AARS1: variants seen among roughly 807,000 people sequenced by gnomAD.
AARS1 encodes the protein alanyl-tRNA synthetase 1, also known as alanine--tRNA ligase, cytoplasmic.
In AARS1, 72 loss-of-function variants were observed where a neutral mutation model predicts 108.9. That is an observed-to-expected ratio of 0.66 (90% CI 0.55 to 0.80). The LOEUF (loss-of-function observed/expected upper bound fraction) is 0.80. AARS1 is among the 30% of genes least tolerant of loss of function. The pLI, the probability that AARS1 is intolerant of heterozygous loss-of-function variation, is 0.00. For missense variants in AARS1, 1,193 were observed against 1,233.2 expected (o/e 0.97, Z 0.49); for synonymous variants, 489 against 465.7 (o/e 1.05, Z -0.64).
At chr16:70,253,422 G>C in intron 19 of AARS1, 41 bp from the exon 20 acceptor site, 1 of 1,497,946 alleles carries the variant, frequency 6.7e-7, no homozygotes, top group Non-Finnish European at 9.3e-7. Flanking sequence ...GCTGGAGCAG[G>C]GACCCTCACT....
intron 1 of AARS1, among the ~76,000 whole-genome samples, chr16:70,287,941 T>A (rs1010074488): frequency 3.3e-5 from 5 of 151,466 alleles, no homozygotes; most frequent in Non-Finnish European, 7.4e-5. Context: ...AATTTTGTAT[T>A]TTTAGTAGAG....
intron 1 of AARS1, among the ~76,000 whole-genome samples, chr16:70,284,378 G>A (rs902601583): frequency 2.0e-5 from 3 of 151,444 alleles, no homozygotes; most frequent in Non-Finnish European, 4.4e-5. Context: ...CGAGGCAGGC[G>A]GATCACGAGG....
rs746910319 is a variant in AARS1, at chr16:70,254,738, G to A, written c.2287-4C>T. ...AGCTCTCTGCTTTCCTGAGGGCCTG[G>A]GAGGGGACACCGGGTCAACCCCAAG... On this transcript the variant is annotated splice_polypyrimidine_tract_variant and splice_region_variant and intron_variant, in intron 16 of 20. Coordinates refer to ENST00000261772, the MANE Select transcript of AARS1 (RefSeq NM_001605.3). The A allele has an allele frequency of 6.2e-7, 1 of 1,600,676 alleles. No homozygotes were observed. Among genetic ancestry groups the A allele is most frequent in the Non-Finnish European group, 8.6e-7 (1 of 1,167,984 alleles).
Position 70,262,389 on chromosome 16 carries a change from T to A in AARS1, c.1628A>T (p.Tyr543Phe). Residue 543 changes from tyrosine (Y) to phenylalanine (F), a missense_variant, in exon 12 of 21, where the codon TAT (tyrosine) becomes TTT (phenylalanine). Physicochemically the swap from Tyr to Phe is conservative, Grantham distance 22. Transcript: ENST00000261772. Reference protein sequence around the residue: ...CFYAEQGGQIYDEGYLVKVDD... With the variant: ...CFYAEQGGQIFDEGYLVKVDD... ...CACCTTCACCAGGTAGCCTTCGTCA[T>A]AGATCTGGCCTCCTTGCTCAGCATA... The A allele has an allele frequency of 6.2e-7, 1 of 1,614,208 alleles. No homozygotes were observed. Among genetic ancestry groups the A allele is most frequent in the Non-Finnish European group, 8.5e-7 (1 of 1,180,030 alleles).
At chr16:70,286,696 T>G (rs1960852629) in intron 1 of AARS1, among the ~76,000 whole-genome samples, 1 of 148,100 alleles carries the variant, frequency 6.8e-6, no homozygotes, top group South Asian at 2.1e-4. Flanking sequence ...CAACAAAAAA[T>G]TAGCGGGGTG....
chr16:70,278,382 A>G (rs1960604124), intron 2 of AARS1, among the ~76,000 whole-genome samples: 2 of 151,866 alleles, frequency 1.3e-5, no homozygotes, highest in African/African-American at 2.4e-5. Flanking sequence ...CCTGACCAAC[A>G]TGGAGAAACC....
chr16:70,269,159 T>C (rs1018515725), intron 7 of AARS1, among the ~76,000 whole-genome samples: 10 of 151,378 alleles, frequency 6.6e-5, no homozygotes, highest in Admixed American at 1.3e-4. Context: ...ACCCCATCTT[T>C]ACTAAAAATA....
chr16:70,277,909 C>T (rs768666511), intron 2 of AARS1, among the ~76,000 whole-genome samples: 23 of 152,038 alleles, frequency 1.5e-4, no homozygotes, highest in Non-Finnish European at 2.8e-4. Context: ...CGTACAGGTA[C>T]ACCTGGCTAA....
rs1051326044 is a variant in AARS1, at chr16:70,274,273, G to A, written c.479+2213C>T. ...GGAGAATTGCTTGAATCCGGGAGAC[G>A]GAGGTTGCGGTGAGCCAAGATCGCA... is the stretch of plus-strand genomic sequence containing the variant. On this transcript the variant is annotated intron_variant, in intron 4 of 20. Coordinates refer to ENST00000261772, the MANE Select transcript of AARS1 (RefSeq NM_001605.3). Among the ~76,000 whole-genome samples the A allele has an allele frequency of 1.1e-4, 17 of 150,960 alleles. 1 individual carries two copies. The highest frequency in any genetic ancestry group is 2.0e-4 in the Admixed American group (3 of 15,134).
intron 4 of AARS1, 62 bp downstream of exon 4, chr16:70,276,424 C>T: frequency 6.3e-7 from 1 of 1,581,602 alleles, no homozygotes; most frequent in Non-Finnish European, 8.7e-7. Context: ...CATAAAACCC[C>T]ACTCTGGCAC....
intron 7 of AARS1, among the ~76,000 whole-genome samples, chr16:70,269,019 C>T (rs1960329236): frequency 6.6e-6 from 1 of 151,990 alleles, no homozygotes; most frequent in Admixed American, 6.6e-5. Flanking sequence ...CCAGCCTGGC[C>T]AACATGGCAA....
intron 2 of AARS1, 38 bp from the exon 3 acceptor site, chr16:70,277,192 G>T: frequency 6.3e-7 from 1 of 1,598,804 alleles, no homozygotes; most frequent in Non-Finnish European, 8.6e-7. Context: ...TTTAAAGGGT[G>T]CAAGTGATGT....
intron 11 of AARS1, 95 bp from the exon 12 acceptor site, chr16:70,262,619 C>G: frequency 8.2e-7 from 1 of 1,224,956 alleles, no homozygotes; most frequent in East Asian, 2.5e-5. Flanking sequence ...TTCGCAAACT[C>G]TTCTTAGCTC....
chr16:70,276,500 G>T lies in AARS1; in HGVS notation c.465C>A (p.Ile155=). ...GLEADLECKQ[I]WQNLGLDDTK... ...TGCATTCTTACCCCAAATTTTGCCA[G>T]ATCTGTTTGCATTCCAGATCTGCTT... Residue 155 remains isoleucine, a synonymous_variant, in exon 4 of 21, where the codon ATC becomes ATA. Coordinates refer to ENST00000261772, the MANE Select transcript of AARS1 (RefSeq NM_001605.3). 6.2e-7 allele frequency: 1 copy of T among 1,614,016 alleles called. No individual in the cohort carries two copies.
chr16:70,254,077 C>T, intron 17 of AARS1, 39 bp from the exon 18 acceptor site: 1 of 1,612,210 alleles, frequency 6.2e-7, no homozygotes, highest in Middle Eastern at 1.7e-4. Flanking sequence ...TGGGCCACAA[C>T]TTGCTGGGAT....
chr16:70,282,803 A>C lies in AARS1; in HGVS notation c.-21-19T>G, dbSNP rs769697799. ...CAAAGAACTAATCAAAGAAAAAAAAATGAAGGAAAATTAAGGGAATTGAAA... is the reference window on the plus strand; with the variant it reads ...CAAAGAACTAATCAAAGAAAAAAAACTGAAGGAAAATTAAGGGAATTGAAA... On this transcript the variant is annotated intron_variant, in intron 1 of 20. Transcript: ENST00000261772. The C allele has an allele frequency of 3.1e-6, 5 of 1,610,676 alleles. No homozygotes were observed. The highest frequency in any genetic ancestry group is 2.7e-5 in the African/African-American group (2 of 74,862).
In AARS1 at chr16:70,260,024, G is replaced by A. The variant is rs1016202612; in HGVS notation, c.1786-838C>T. ...CGACCTCAGGTGATCTGCTCGCCTC[G>A]GCCTCCCAAAGTGCCGGGATTACAG... is the stretch of plus-strand genomic sequence containing the variant. On this transcript the variant is annotated intron_variant, in intron 13 of 20. Transcript: ENST00000261772. Among the ~76,000 whole-genome samples the A allele has an allele frequency of 9.9e-5, 15 of 152,162 alleles. 1 individual carries two copies. The highest frequency in any genetic ancestry group is 2.0e-4 in the Admixed American group (3 of 15,288).
In AARS1 at chr16:70,272,782, G is replaced by T. The variant is rs111719142; in HGVS notation, c.480-810C>A. 3.6e-3 allele frequency among the ~76,000 whole-genome samples: 550 copies of T among 151,310 alleles called. 2 individuals are homozygous for T. The highest frequency in any genetic ancestry group is 0.012 in the African/African-American group (491 of 41,142). Reference sequence around the variant, plus strand: ...AAAATACAAAAAAAAATTAGCTGGGGGGGTGATGCATACCTGTAGTCCCAG... The same window carrying T: ...AAAATACAAAAAAAAATTAGCTGGGTGGGTGATGCATACCTGTAGTCCCAG... On this transcript the variant is annotated intron_variant, in intron 4 of 20. Coordinates refer to ENST00000261772, the MANE Select transcript of AARS1 (RefSeq NM_001605.3).
chr16:70,259,208 A>C, intron 13 of AARS1, 22 bp from the exon 14 acceptor site: 1 of 1,608,036 alleles, frequency 6.2e-7, no homozygotes, highest in Non-Finnish European at 8.5e-7. Flanking sequence ...AGAGGGGCTC[A>C]TGGAGAGGTC....
Sources: gnomAD v4.1 joint callset for allele counts (sites outside exome capture counted in the v4.1 genomes callset) on GRCh38, gnomAD v4.1.1 for gene constraint, MANE v1.5 for transcripts, NCBI Gene and HGNC (gene_info 2026-07-23, HGNC 2026-07-21) for gene names.